The following MBD5 variants were observed in gnomAD, a reference collection of about 807,000 sequenced individuals.
The protein encoded by MBD5 is methyl-CpG-binding domain protein 5.
MBD5 carries 13 observed loss-of-function variants against 117.3 expected under a neutral mutation model. The ratio of observed to expected loss-of-function variants is 0.11; its 90% CI spans 0.07 to 0.18. MBD5 has a LOEUF of 0.18. Among genes scored for constraint, MBD5 ranks in the 10% least tolerant of loss-of-function variants. The pLI, the probability that MBD5 is intolerant of heterozygous loss-of-function variation, is 1.00. For synonymous variants in MBD5, 727 were observed against 766.4 expected, an observed-to-expected ratio of 0.95 and a Z score of 0.85; for missense variants, 1,879 against 2,093.8, an observed-to-expected ratio of 0.90 and a Z score of 2.00.
chr2:148,438,571 A>G (rs142984802), intron 4 of MBD5, among the ~76,000 whole-genome samples: 126 of 152,310 alleles, frequency 8.3e-4, no homozygotes, highest in African/African-American at 2.9e-3. Context: ...CCAAATCTAT[A>G]TTAGACAGAG....
rs1700956470 is a variant in MBD5 at position 148,270,409 on chromosome 2, T to TA, written c.-680+37015dup. Among the ~76,000 whole-genome samples, 5 of 151,520 alleles carry TA rather than the reference T, an allele frequency of 3.3e-5. No individual in the cohort carries two copies. The South Asian group carries it at 1.0e-3, about 32-fold the overall frequency. ...TTCCTTTCTATTTTTTTTTTTTTTT[T>TA]AGACAGTCTAACCCTGTCACCCAGA... On this transcript the variant is annotated intron_variant, in intron 3 of 13. Transcript: ENST00000642680.
chr2:148,042,541 T>C, intron 1 of MBD5, among the ~76,000 whole-genome samples: 1 of 152,034 alleles, frequency 6.6e-6, no homozygotes. Flanking sequence ...AAATTTACCA[T>C]ATCGAGCCTC....
chr2:148,394,759 G>C (rs1704662922), intron 4 of MBD5, among the ~76,000 whole-genome samples: 1 of 150,842 alleles, frequency 6.6e-6, no homozygotes, highest in Non-Finnish European at 1.5e-5. Flanking sequence ...TTGTTTCTTT[G>C]TGCTTGCTCT....
intron 4 of MBD5, among the ~76,000 whole-genome samples, chr2:148,343,568 A>G (rs1212607064): frequency 6.6e-6 from 1 of 151,912 alleles, no homozygotes; most frequent in East Asian, 1.9e-4. Flanking sequence ...CCTCTTGTAT[A>G]TCTTCTTTTG....
intron 1 of MBD5, chr2:148,025,441 G>A (rs1573924924): frequency 1.3e-5 from 2 of 150,764 alleles, no homozygotes; most frequent in South Asian, 2.1e-4. Flanking sequence ...ACACATTTTA[G>A]ACAATGAAAA....
intron 3 of MBD5, among the ~76,000 whole-genome samples, chr2:148,288,806 C>T (rs1226576529): frequency 6.6e-6 from 1 of 151,850 alleles, no homozygotes; most frequent in Non-Finnish European, 1.5e-5. Flanking sequence ...ATGTTATAAA[C>T]ACTAAACAGA....
At chr2:148,095,581 A>G (rs1696049006) in intron 1 of MBD5, among the ~76,000 whole-genome samples, 1 of 152,190 alleles carries the variant, frequency 6.6e-6, no homozygotes, top group Admixed American at 6.5e-5. Context: ...TAAAAGGTGG[A>G]AACAATTAAC....
At chr2:148,352,334 C>T (rs1269835725) in intron 4 of MBD5, among the ~76,000 whole-genome samples, 1 of 151,992 alleles carries the variant, frequency 6.6e-6, no homozygotes, top group Non-Finnish European at 1.5e-5. Flanking sequence ...TATATATTCA[C>T]ATGCAGTTGC....
intron 4 of MBD5, among the ~76,000 whole-genome samples, chr2:148,417,986 C>A (rs1360834048): frequency 6.6e-6 from 1 of 151,862 alleles, no homozygotes; most frequent in Non-Finnish European, 1.5e-5. Context: ...ACTACAGGCA[C>A]CCACCACCAC....
intron 1 of MBD5, among the ~76,000 whole-genome samples, chr2:148,089,180 C>A (rs1289985768): frequency 6.6e-6 from 1 of 152,014 alleles, no homozygotes; most frequent in East Asian, 1.9e-4. Flanking sequence ...GTGCACCTAA[C>A]ATAGGAGCCT....
At chr2:148,437,426 C>G (rs1343987270) in intron 4 of MBD5, among the ~76,000 whole-genome samples, 1 of 152,060 alleles carries the variant, frequency 6.6e-6, no homozygotes, top group Non-Finnish European at 1.5e-5. Flanking sequence ...AGCCACAATC[C>G]TGAAGCCATA....
chr2:148,315,876 T>C (rs1702145792), intron 3 of MBD5, among the ~76,000 whole-genome samples: 1 of 152,330 alleles, frequency 6.6e-6, no homozygotes, highest in African/African-American at 2.4e-5. Flanking sequence ...ATTAGTCCGT[T>C]CTCACATAAC....
chr2:148,436,190 T>G (rs1217654798), intron 4 of MBD5, among the ~76,000 whole-genome samples: 1 of 152,206 alleles, frequency 6.6e-6, no homozygotes, highest in Non-Finnish European at 1.5e-5. Flanking sequence ...GATTGACATG[T>G]TTTCTTAAAT....
rs188629993 is a variant in MBD5, at chr2:148,494,293, A to G, written c.4962+3699A>G. 2.3e-3 allele frequency among the ~76,000 whole-genome samples: 343 copies of G among 152,328 alleles called. 1 individual carries two copies. The highest frequency in any genetic ancestry group is 7.9e-3 in the African/African-American group (329 of 41,572). ...TAACTATGTTTACAGCACATGTACA[A>G]ATTGGCATATCTGATTATAAGCTAG... On this transcript the variant is annotated intron_variant, in intron 11 of 13. Coordinates refer to ENST00000642680, the MANE Select transcript of MBD5 (RefSeq NM_001378120.1).
chr2:148,322,912 G>A (rs1475973048), intron 3 of MBD5, among the ~76,000 whole-genome samples: 8 of 151,112 alleles, frequency 5.3e-5, no homozygotes, highest in Non-Finnish European at 8.8e-5. Flanking sequence ...AGTTACCTAT[G>A]TATACATGTG....
intron 4 of MBD5, among the ~76,000 whole-genome samples, chr2:148,425,119 A>G (rs1026228638): frequency 6.6e-6 from 1 of 152,156 alleles, no homozygotes; most frequent in African/African-American, 2.4e-5. Flanking sequence ...AAGATCAACA[A>G]AATAGATAGA....
chr2:148,201,663 A>G lies in MBD5; in HGVS notation c.-831+22870A>G, dbSNP rs147052980. Reference sequence around the variant, plus strand: ...ATCCAAGAAGAATGAGGTTATGCTGACAATCAAAGGGTGAGAAGGGTGGAG... The same window carrying G: ...ATCCAAGAAGAATGAGGTTATGCTGGCAATCAAAGGGTGAGAAGGGTGGAG... On this transcript the variant is annotated intron_variant, in intron 2 of 13. Coordinates refer to ENST00000642680, the MANE Select transcript of MBD5 (RefSeq NM_001378120.1). 2.0e-4 allele frequency among the ~76,000 whole-genome samples: 30 copies of G among 152,248 alleles called. No homozygotes were observed. The East Asian group carries it at 4.3e-3, about 22-fold the overall frequency.
intron 1 of MBD5, among the ~76,000 whole-genome samples, chr2:148,137,691 A>G (rs1697204644): frequency 6.6e-6 from 1 of 152,244 alleles, no homozygotes; most frequent in African/African-American, 2.4e-5. Flanking sequence ...GTCATGTGCC[A>G]GATAACAACA....
At chr2:148,218,966 GT>G (rs1699620258) in intron 2 of MBD5, among the ~76,000 whole-genome samples, 1 of 152,138 alleles carries the variant, frequency 6.6e-6, no homozygotes. Context: ...TATTTTAAAA[GT>G]TTTTTTCTAC....
Sources: allele counts gnomAD v4.1 joint callset (sites outside exome capture counted in the v4.1 genomes callset), GRCh38; gene constraint gnomAD v4.1.1; transcripts MANE v1.5; gene names NCBI Gene and HGNC (gene_info 2026-07-23, HGNC 2026-07-21).